CACNB4: variants seen among roughly 807,000 people sequenced by gnomAD.
CACNB4 encodes the protein calcium voltage-gated channel auxiliary subunit beta 4.
In CACNB4, 32 loss-of-function variants were observed where a neutral mutation model predicts 71.2. The ratio of observed to expected loss-of-function variants is 0.45; its 90% confidence interval spans 0.34 to 0.60. The LOEUF (loss-of-function observed/expected upper bound fraction) is 0.60, where lower values mean the gene tolerates loss of function less well. Among genes scored for constraint, CACNB4 ranks in the 20% least tolerant of loss-of-function variants. CACNB4 has a pLI of 0.01. For missense variants in CACNB4, 464 were observed against 647.9 expected, an observed-to-expected ratio of 0.72 and a Z score of 3.08; for synonymous variants, 231 against 236.9, an observed-to-expected ratio of 0.97 and a Z score of 0.23.
chr2:151,877,394 A>G (rs889285129), intron 4 of CACNB4, among the ~76,000 whole-genome samples: 1 of 152,156 alleles, frequency 6.6e-6, no homozygotes, highest in African/African-American at 2.4e-5. Flanking sequence ...GAATCCCTGG[A>G]CTAATGTCTG....
rs533477175 is a variant in CACNB4, at chr2:151,956,235, A to G, written c.148-72865T>C. Among the ~76,000 whole-genome samples the G allele has an allele frequency of 6.6e-5, 10 of 152,370 alleles. No homozygotes were observed. In the South Asian group the frequency reaches 2.1e-3, roughly 32 times the overall value. ...ATTTATGATCCACACATACCCAAGA[A>G]CTTGTGCATGAATGTTCACAGCAGC... is the stretch of plus-strand genomic sequence containing the variant. On this transcript the variant is annotated intron_variant, in intron 2 of 13. Transcript: ENST00000539935.
At chr2:152,031,889 C>A (rs759818810) in intron 2 of CACNB4, among the ~76,000 whole-genome samples, 1 of 152,194 alleles carries the variant, frequency 6.6e-6, no homozygotes, top group Non-Finnish European at 1.5e-5. Flanking sequence ...GCATTAGGCT[C>A]TCTAAAAGGG....
chr2:151,883,638 A>G (rs2099848541), intron 2 of CACNB4: 2 of 453,028 alleles, frequency 4.4e-6, no homozygotes, highest in South Asian at 2.1e-5. Context: ...CTCAGCACCA[A>G]TTCTTCTTGT....
chr2:151,842,317 G>A (rs1401058445), intron 12 of CACNB4, among the ~76,000 whole-genome samples: 1 of 134,596 alleles, frequency 7.4e-6, no homozygotes, highest in Non-Finnish European at 1.5e-5. Context: ...TCAATATTTG[G>A]ATCTTTTTTT....
intron 2 of CACNB4, among the ~76,000 whole-genome samples, chr2:151,998,315 CAAAAAAAAAAAAAAA>C (rs70974815): frequency 9.0e-5 from 10 of 110,700 alleles, no homozygotes; most frequent in East Asian, 3.0e-4. Context: ...ACTCCATCTC[CAAAAAAAAAAAAAAA>C]AAAAAAAAAA....
At chr2:151,853,762 G>A in intron 11 of CACNB4, 1 of 390,718 alleles carries the variant, frequency 2.6e-6, no homozygotes, top group Non-Finnish European at 4.5e-6. Flanking sequence ...TCTGTGTGAA[G>A]TCTCAGGAGG....
chr2:152,024,524 G>C (rs955250924), intron 2 of CACNB4, among the ~76,000 whole-genome samples: 1 of 152,142 alleles, frequency 6.6e-6, no homozygotes, highest in African/African-American at 2.4e-5. Context: ...TTATTGGATA[G>C]CCCTAAAAAA....
intron 3 of CACNB4, 101 bp from the exon 4 acceptor site, chr2:151,881,023 C>A: frequency 8.6e-7 from 1 of 1,162,816 alleles, no homozygotes; most frequent in Non-Finnish European, 1.2e-6. Context: ...AATAACTTTC[C>A]AAAGAGGGAT....
chr2:152,074,685 CCATCACCCCCTCACCATTACCACCTCTAT>C (rs1306189457), intron 2 of CACNB4, among the ~76,000 whole-genome samples: 5,778 of 101,310 alleles, frequency 0.057, 1,204 homozygotes, highest in Middle Eastern at 0.14. Flanking sequence ...TCTATCATCA[CCATCACCCCCTCACCATTACCACCTCTAT>C]CATCACCATC....
intron 2 of CACNB4, chr2:151,973,461 T>A: frequency 1.7e-6 from 1 of 580,878 alleles, no homozygotes; most frequent in East Asian, 2.8e-5. Context: ...TCACCCTAAT[T>A]TCTTTTTTGC....
At chr2:152,067,348 T>C (rs1686394519) in intron 2 of CACNB4, among the ~76,000 whole-genome samples, 1 of 150,510 alleles carries the variant, frequency 6.6e-6, no homozygotes, top group African/African-American at 2.5e-5. Context: ...GTCAGTTTGA[T>C]AATGTATTCT....
chr2:152,019,672 G>T (rs188790247), intron 2 of CACNB4, among the ~76,000 whole-genome samples: 2 of 152,178 alleles, frequency 1.3e-5, no homozygotes, highest in Admixed American at 1.3e-4. Flanking sequence ...TGGAAATAAA[G>T]GTTAAAAGAG....
At chr2:151,882,499 G>A (rs2099848174) in intron 3 of CACNB4, among the ~76,000 whole-genome samples, 1 of 152,112 alleles carries the variant, frequency 6.6e-6, no homozygotes, top group African/African-American at 2.4e-5. Context: ...GGACAGGCCG[G>A]CCATGACCTT....
chr2:152,085,288 G>A (rs1264449489), intron 2 of CACNB4, among the ~76,000 whole-genome samples: 1 of 152,160 alleles, frequency 6.6e-6, no homozygotes, highest in African/African-American at 2.4e-5. Context: ...GAGCACGGCT[G>A]CTTTGTTGGG....
intron 2 of CACNB4, among the ~76,000 whole-genome samples, chr2:151,959,619 A>C (rs2151691278): frequency 6.6e-6 from 1 of 152,268 alleles, no homozygotes; most frequent in African/African-American, 2.4e-5. Flanking sequence ...CATTCATAGA[A>C]TCTAGATTAT....
At chr2:151,914,944 G>T (rs934609150) in intron 2 of CACNB4, among the ~76,000 whole-genome samples, 1 of 152,256 alleles carries the variant, frequency 6.6e-6, no homozygotes, top group South Asian at 2.1e-4. Flanking sequence ...CTGTTGGAGG[G>T]TGTCACCCAG....
chr2:151,844,709 C>T (rs1194044360), intron 12 of CACNB4, among the ~76,000 whole-genome samples: 2 of 152,102 alleles, frequency 1.3e-5, no homozygotes, highest in Non-Finnish European at 2.9e-5. Flanking sequence ...CAGCTACACC[C>T]CAAAGGACAT....
intron 2 of CACNB4, among the ~76,000 whole-genome samples, chr2:152,039,960 G>C (rs1684789432): frequency 6.6e-6 from 1 of 152,176 alleles, no homozygotes; most frequent in Admixed American, 6.6e-5. Context: ...AAAGATTAAA[G>C]TCACTTAATG....
rs761334039 is a variant in CACNB4, at chr2:151,869,245, G to A, written c.700-10C>T. 8.4e-6 allele frequency: 13 copies of A among 1,540,766 alleles called. No homozygotes were observed. Among genetic ancestry groups the A allele is most frequent in the Middle Eastern group, 3.4e-4 (2 of 5,966 alleles). On this transcript the variant is annotated splice_polypyrimidine_tract_variant and intron_variant, in intron 8 of 13. Coordinates refer to ENST00000539935, the MANE Select transcript of CACNB4 (RefSeq NM_000726.5). ...GCATCATGTCTGTTACCTTTGCAGA[G>A]GTGAGAAAAAAAGAATGAGGCAAAC...
Sources: gnomAD v4.1 joint callset for allele counts (sites outside exome capture counted in the v4.1 genomes callset) on GRCh38, gnomAD v4.1.1 for gene constraint, MANE v1.5 for transcripts, NCBI Gene and HGNC (gene_info 2026-07-23, HGNC 2026-07-21) for gene names.